PDE4C: variants seen among roughly 807,000 people sequenced by gnomAD.
The protein encoded by PDE4C is 3',5'-cyclic-AMP phosphodiesterase 4C.
PDE4C carries 50 observed loss-of-function variants against 63.9 expected under a neutral mutation model. That is an observed-to-expected ratio of 0.78 (90% CI 0.62 to 0.99). PDE4C has a LOEUF of 0.99. Ranked by LOEUF, PDE4C falls within the 50% of genes least tolerant of loss-of-function variation. The pLI is 0.00. For missense variants in PDE4C, 777 were observed against 899.1 expected (o/e 0.86, Z 1.74); for synonymous variants, 377 against 385.1 (o/e 0.98, Z 0.25).
rs574981265 is a variant in PDE4C at position 18,220,820 on chromosome 19, G to A, written c.499+54C>T. 3.2e-6 allele frequency: 5 copies of A among 1,551,842 alleles called. No homozygotes were observed. The East Asian group carries it at 9.1e-5, about 28-fold the overall frequency. Reference sequence around the variant, plus strand: ...CTCATGGACTGGGGAGGTCACTATGGAAAGGAAGCTCCCAGCTGTCCTCAG... The same window carrying A: ...CTCATGGACTGGGGAGGTCACTATGAAAAGGAAGCTCCCAGCTGTCCTCAG... On this transcript the variant is annotated intron_variant, in intron 5 of 14. Transcript: ENST00000262805. The surrounding 1 kb of genome is among the most constrained non-coding windows in gnomAD (Gnocchi z 5.1).
At position 18,220,382 on chromosome 19, in the gene PDE4C, C is replaced by T; in HGVS notation, c.612+21G>A. 1 of 1,611,940 alleles carries T rather than the reference C, an allele frequency of 6.2e-7. No individual in the cohort carries two copies. The highest frequency in any genetic ancestry group is 1.1e-5 in the South Asian group (1 of 91,038). ...CACCGTGGGCCGAGGCAGGTGAGCTCAGCGATCTGCCCCACCTCACCTTGT... is the reference window on the plus strand; with the variant it reads ...CACCGTGGGCCGAGGCAGGTGAGCTTAGCGATCTGCCCCACCTCACCTTGT... On this transcript the variant is annotated intron_variant, in intron 6 of 14. Transcript: ENST00000262805. This position sits in a 1 kb window ranked among gnomAD's most constrained non-coding sequence, Gnocchi z 5.1.
At chr19:18,251,110 T>A (rs1351536112), upstream of PDE4C, among the ~76,000 whole-genome samples, 1 of 147,914 alleles carries the variant, frequency 6.8e-6, no homozygotes, top group Non-Finnish European at 1.5e-5. Flanking sequence ...ATTACTTTAT[T>A]TATTTTTGAG....
At chr19:18,245,823 A>G (rs1056535954) in intron 1 of PDE4C, among the ~76,000 whole-genome samples, 6 of 152,138 alleles carry the variant, frequency 3.9e-5, no homozygotes, top group Non-Finnish European at 7.4e-5. Context: ...AGAGGTCATC[A>G]GAAGGTCCTT....
chr19:18,251,084 A>G (rs998121718), upstream of PDE4C, among the ~76,000 whole-genome samples: 1 of 145,942 alleles, frequency 6.9e-6, no homozygotes, highest in South Asian at 2.2e-4. Flanking sequence ...CCTAATTTTT[A>G]AATTTTATTT....
upstream of PDE4C, chr19:18,234,178 T>C (rs1033877767): frequency 2.0e-5 from 3 of 152,378 alleles, no homozygotes; most frequent in Non-Finnish European, 2.9e-5. Context: ...CCCAAAGCCA[T>C]GCTGCAGCTG....
upstream of PDE4C, among the ~76,000 whole-genome samples, chr19:18,231,462 G>C (rs1286107957): frequency 6.6e-6 from 1 of 152,156 alleles, no homozygotes; most frequent in African/African-American, 2.4e-5. Context: ...GGGAGAAGGG[G>C]CTCCTGGGTC....
chr19:18,220,801 G>T lies in PDE4C; in HGVS notation c.499+73C>A, dbSNP rs1211918785. 2 of 1,426,440 alleles carry T rather than the reference G, an allele frequency of 1.4e-6. No individual in the cohort carries two copies. The highest frequency in any genetic ancestry group is 1.9e-5 in the Admixed American group (1 of 52,150). The allele number at this position is 1,426,440 out of a possible 1,614,324, so 88.4% of individuals were successfully genotyped here. ...TTAGCCCCAGTATAAGGGGCTCATG[G>T]ACTGGGGAGGTCACTATGGAAAGGA... On this transcript the variant is annotated intron_variant, in intron 5 of 14. Coordinates refer to ENST00000262805, the Ensembl canonical transcript of PDE4C. This position sits in a 1 kb window ranked among gnomAD's most constrained non-coding sequence, Gnocchi z 5.1.
intron 1 of PDE4C, among the ~76,000 whole-genome samples, chr19:18,241,290 G>A (rs1220233816): frequency 1.0e-5 from 1 of 99,584 alleles, no homozygotes; most frequent in Non-Finnish European, 1.9e-5. Context: ...TTTTTGAGAT[G>A]GAGTCTCGCT....
intron 1 of PDE4C, among the ~76,000 whole-genome samples, chr19:18,245,374 A>AGGCT (rs1395897795): frequency 6.6e-6 from 1 of 151,382 alleles, no homozygotes; most frequent in African/African-American, 2.4e-5. Context: ...CAGGTTGGCG[A>AGGCT]GGCTGGTCTC....
chr19:18,213,355 T>C lies in PDE4C; in HGVS notation c.1512+13A>G, dbSNP rs774340901. On this transcript the variant is annotated intron_variant, in intron 13 of 14. Coordinates refer to ENST00000262805, the Ensembl canonical transcript of PDE4C. Reference sequence around the variant, plus strand: ...TTTAAAAAGGAAGCCCCAGTGCCCATCCAGCTACACACCTGGATTCGGTCG... The same window carrying C: ...TTTAAAAAGGAAGCCCCAGTGCCCACCCAGCTACACACCTGGATTCGGTCG... 1.2e-6 allele frequency: 2 copies of C among 1,608,722 alleles called. No homozygotes were observed. The highest frequency in any genetic ancestry group is 2.2e-5 in the East Asian group (1 of 44,674).
At chr19:18,235,418 G>A (rs12460047), upstream of PDE4C, among the ~76,000 whole-genome samples, 42,091 of 151,998 alleles carry the variant, frequency 0.28, 5,940 homozygotes, top group Middle Eastern at 0.33. Flanking sequence ...TGATCCACCC[G>A]TCTTGGCCTC....
In PDE4C at chr19:18,220,790, A is replaced by C; in HGVS notation, c.499+84T>G. On this transcript the variant is annotated intron_variant, in intron 5 of 14. Coordinates refer to ENST00000262805, the Ensembl canonical transcript of PDE4C. This position sits in a 1 kb window ranked among gnomAD's most constrained non-coding sequence, Gnocchi z 5.1. ...CGGGGCTACAATTAGCCCCAGTATA[A>C]GGGGCTCATGGACTGGGGAGGTCAC... The C allele has an allele frequency of 7.6e-7, 1 of 1,320,756 alleles. No individual in the cohort carries two copies. Among genetic ancestry groups the C allele is most frequent in the Non-Finnish European group, 1.1e-6 (1 of 928,594 alleles). The allele number at this position is 1,320,756 out of a possible 1,614,324, so 81.8% of individuals were successfully genotyped here. A position where few individuals can be genotyped will look rare whatever the true frequency, so the allele number is the denominator to read the frequency against.
chr19:18,226,484 C>T, upstream of PDE4C: 1 of 1,256,614 alleles, frequency 8.0e-7, no homozygotes, highest in Non-Finnish European at 1.0e-6. Context: ...GCTGCGGGGG[C>T]GGGGCCCAGC....
chr19:18,222,075 G>T, intron 2 of PDE4C, 57 bp downstream of exon 2: 1 of 1,462,778 alleles, frequency 6.8e-7, no homozygotes, highest in South Asian at 1.2e-5. Context: ...GCTGAATAGA[G>T]GAACAAAGGA....
upstream of PDE4C, among the ~76,000 whole-genome samples, chr19:18,248,492 G>T (rs1969174310): frequency 7.9e-5 from 12 of 152,068 alleles, 1 homozygote; most frequent in South Asian, 2.5e-3. Context: ...GGAGTGAGGA[G>T]GCTGGGTGAG....
At chr19:18,235,883 G>A (rs116234973), upstream of PDE4C, among the ~76,000 whole-genome samples, 515 of 151,746 alleles carry the variant, frequency 3.4e-3, 2 homozygotes, top group African/African-American at 0.011. Context: ...GCCCTTCCCC[G>A]CACTCCCACT....
chr19:18,233,011 G>C lies in PDE4C; in HGVS notation c.181C>G (p.Leu61Val), dbSNP rs565453629. The change falls in exon 1 of 15, where the codon CTG becomes GTG. Residue 61 changes from leucine (L) to valine (V), a missense_variant. Leu to Val is a conservative substitution (Grantham distance 32). Transcript: ENST00000594465. ...TTCCTGAGCTCCGGCCGCGGGCTCA[G>C]GTCCCTCTCGCGGCAGCCCGCGGAC... 281 of 1,532,936 alleles carry C rather than the reference G, an allele frequency of 1.8e-4. No individual in the cohort carries two copies. The highest frequency in any genetic ancestry group is 2.3e-4 in the Non-Finnish European group (263 of 1,136,548). 95.0% of individuals were successfully genotyped at this position (1,532,936 alleles called of 1,614,324 possible). A position where few individuals can be genotyped will look rare whatever the true frequency, so the allele number is the denominator to read the frequency against.
rs148503926 is a variant in PDE4C at position 18,244,445 on chromosome 19, C to T, written c.-210+3726G>A. 2.9e-4 allele frequency among the ~76,000 whole-genome samples: 44 copies of T among 152,032 alleles called. No homozygotes were observed. The East Asian group carries it at 6.6e-3, about 23-fold the overall frequency. ...AAAGTTCTGAGATTACAGGCGACCG[C>T]GACCACACCTAGCTGAGAGCTCCCT... On this transcript the variant is annotated intron_variant, in intron 1 of 15. Coordinates refer to the PDE4C transcript ENST00000594617.
intron 11 of PDE4C, among the ~76,000 whole-genome samples, chr19:18,217,555 T>A (rs748484012): frequency 4.6e-5 from 7 of 152,134 alleles, no homozygotes; most frequent in African/African-American, 7.2e-5. Flanking sequence ...AATAATTGCC[T>A]GTCAACTGAG....
Sources: allele counts gnomAD v4.1 joint callset (sites outside exome capture counted in the v4.1 genomes callset), GRCh38; gene constraint gnomAD v4.1.1; non-coding constraint Gnocchi (gnomAD v3.1); transcripts MANE v1.5; gene names NCBI Gene and HGNC (gene_info 2026-07-23, HGNC 2026-07-21).